Variants in ZNF385D observed in about 807,000 individuals in gnomAD.
The protein encoded by ZNF385D is zinc finger protein 385D, also known as zinc finger protein 659.
ZNF385D carries 15 observed loss-of-function variants against 35.8 expected under a neutral mutation model. That is an observed-to-expected ratio of 0.42 (90% CI 0.28 to 0.64). The LOEUF (loss-of-function observed/expected upper bound fraction) is 0.64. Ranked by LOEUF, ZNF385D falls within the 30% of genes least tolerant of loss-of-function variation. The pLI is 0.23. For missense variants in ZNF385D, 474 were observed against 494.6 expected (o/e 0.96, Z 0.39); for synonymous variants, 212 against 186.8 (o/e 1.13, Z -1.10).
At chr3:22,050,195 GT>G in intron 3 of ZNF385D, among the ~76,000 whole-genome samples, 1 of 150,188 alleles carries the variant, frequency 6.7e-6, no homozygotes, top group Non-Finnish European at 1.5e-5. Flanking sequence ...GGAAGATTGG[GT>G]TTAAAAAAAA....
intron 2 of ZNF385D, among the ~76,000 whole-genome samples, chr3:22,245,121 C>T (rs1699704410): frequency 6.6e-6 from 1 of 152,222 alleles, no homozygotes; most frequent in South Asian, 2.1e-4. Flanking sequence ...TTCAAGGAAA[C>T]TGAGGTTCCA....
chr3:21,606,244 T>C (rs550169976), intron 2 of ZNF385D, among the ~76,000 whole-genome samples: 1 of 152,260 alleles, frequency 6.6e-6, no homozygotes, highest in East Asian at 1.9e-4. Context: ...CAACAGTACC[T>C]CTCACCCTTC....
At position 22,284,097 on chromosome 3, in the gene ZNF385D, T is replaced by G. The variant is rs551937193; in HGVS notation, c.106+88353A>C. Reference sequence around the variant, plus strand: ...CATTTTATACTTACTTGAGGCAAGATAGTACAACTGCCATTCTATATCCAC... The same window carrying G: ...CATTTTATACTTACTTGAGGCAAGAGAGTACAACTGCCATTCTATATCCAC... On this transcript the variant is annotated intron_variant, in intron 2 of 5. Coordinates refer to the ZNF385D transcript ENST00000494108. 2.2e-3 allele frequency among the ~76,000 whole-genome samples: 340 copies of G among 152,234 alleles called. 3 individuals carry two copies. The highest frequency in any genetic ancestry group is 7.9e-3 in the African/African-American group (328 of 41,554).
In ZNF385D at chr3:22,030,267, A is replaced by G. The variant is rs1358332140; in HGVS notation, c.325+138550T>C. Among the ~76,000 whole-genome samples the G allele has an allele frequency of 3.4e-5, 3 of 87,690 alleles. No individual in the cohort carries two copies. In the South Asian group the frequency reaches 1.2e-3, roughly 35 times the overall value. 57.5% of individuals were successfully genotyped at this position (87,690 alleles called of 152,430 possible). On this transcript the variant is annotated intron_variant, in intron 3 of 5. Coordinates refer to the ZNF385D transcript ENST00000494108. ...TTAATAAACTCATTCATATATATAT[A>G]TATATATATATATATATATATATAT... is the stretch of plus-strand genomic sequence containing the variant.
At chr3:22,271,672 T>TA (rs966688276) in intron 2 of ZNF385D, among the ~76,000 whole-genome samples, 1 of 151,860 alleles carries the variant, frequency 6.6e-6, no homozygotes, top group Non-Finnish European at 1.5e-5. Flanking sequence ...TCTTTAAGCT[T>TA]AAAAAACTCC....
chr3:21,723,729 G>C (rs1227037651), intron 1 of ZNF385D, among the ~76,000 whole-genome samples: 2 of 152,174 alleles, frequency 1.3e-5, no homozygotes, highest in Non-Finnish European at 2.9e-5. Context: ...ACACTCTTCA[G>C]GATATTATCC....
intron 5 of ZNF385D, among the ~76,000 whole-genome samples, chr3:21,433,230 T>C (rs1255624120): frequency 6.6e-6 from 1 of 152,176 alleles, no homozygotes. Flanking sequence ...TTGGCTGTGG[T>C]CATTTGTTTA....
At chr3:22,050,464 C>G (rs1159992801) in intron 3 of ZNF385D, among the ~76,000 whole-genome samples, 2 of 152,182 alleles carry the variant, frequency 1.3e-5, no homozygotes, top group Admixed American at 1.3e-4. Context: ...GTAAAATCAT[C>G]AGATCCTGGG....
At chr3:21,583,832 GGTTCCCTTCATTTGAATCAGGATCTCAA>G (rs1559431307) in intron 2 of ZNF385D, among the ~76,000 whole-genome samples, 1 of 150,028 alleles carries the variant, frequency 6.7e-6, no homozygotes, top group Non-Finnish European at 1.5e-5. Context: ...TTTTATGTTT[GGTTCCCTTCATTTGAATCAGGATCTCAA>G]ATTCCCTGAA....
At chr3:21,563,892 A>G (rs2063046933) in intron 3 of ZNF385D, among the ~76,000 whole-genome samples, 1 of 152,122 alleles carries the variant, frequency 6.6e-6, no homozygotes, top group Non-Finnish European at 1.5e-5. Context: ...GATCAAAATT[A>G]ATATCACTGT....
chr3:21,961,167 T>A (rs1441179976), intron 3 of ZNF385D, among the ~76,000 whole-genome samples: 4 of 152,076 alleles, frequency 2.6e-5, no homozygotes, highest in African/African-American at 9.7e-5. Flanking sequence ...AAAATATCAC[T>A]CTGTATGCCG....
intron 2 of ZNF385D, among the ~76,000 whole-genome samples, chr3:22,222,882 G>A (rs992055875): frequency 2.0e-5 from 3 of 151,970 alleles, no homozygotes; most frequent in Admixed American, 6.6e-5. Context: ...CTTGAAACTC[G>A]AAAGGCCTTT....
At chr3:22,324,158 A>G (rs1008794988) in intron 2 of ZNF385D, among the ~76,000 whole-genome samples, 2 of 152,200 alleles carry the variant, frequency 1.3e-5, no homozygotes, top group Non-Finnish European at 1.5e-5. Flanking sequence ...TTCTAGAGAA[A>G]TTCAAGAATT....
chr3:21,747,096 T>C lies in ZNF385D; in HGVS notation c.22+3799A>G, dbSNP rs186074341. Among the ~76,000 whole-genome samples, 158 of 152,128 alleles carry C rather than the reference T, an allele frequency of 1.0e-3. 1 individual carries two copies. Among genetic ancestry groups the C allele is most frequent in the Non-Finnish European group, 3.8e-4 (26 of 68,002 alleles). The stretch of plus-strand genomic sequence containing the variant: ...AGCTTCCTCAGTGAGGTTTTTGTTT[T>C]GTTTTGTTTTTATTATAGGCATGCC... On this transcript the variant is annotated intron_variant, in intron 1 of 7. Coordinates refer to ENST00000281523, the MANE Select transcript of ZNF385D (RefSeq NM_024697.3).
At chr3:21,975,130 G>A (rs930194442) in intron 3 of ZNF385D, among the ~76,000 whole-genome samples, 2 of 152,148 alleles carry the variant, frequency 1.3e-5, no homozygotes, top group Non-Finnish European at 2.9e-5. Flanking sequence ...ACAGTTTGTG[G>A]CAGCACTGCT....
intron 3 of ZNF385D, among the ~76,000 whole-genome samples, chr3:21,966,948 T>C (rs1702948674): frequency 6.6e-6 from 1 of 152,170 alleles, no homozygotes; most frequent in South Asian, 2.1e-4. Context: ...TGCATGCACA[T>C]GCACGTGGAT....
At chr3:22,019,520 T>C (rs959024639) in intron 3 of ZNF385D, among the ~76,000 whole-genome samples, 4 of 151,990 alleles carry the variant, frequency 2.6e-5, no homozygotes, top group Non-Finnish European at 5.9e-5. Context: ...AACCTCTATA[T>C]GCATGAAAAA....
chr3:21,455,974 C>T (rs1157897220), intron 4 of ZNF385D, among the ~76,000 whole-genome samples: 1 of 152,098 alleles, frequency 6.6e-6, no homozygotes, highest in East Asian at 1.9e-4. Context: ...AGCCAAAAGA[C>T]ACATGAAAAA....
chr3:22,299,027 G>C (rs895603488), intron 2 of ZNF385D, among the ~76,000 whole-genome samples: 1 of 151,936 alleles, frequency 6.6e-6, no homozygotes, highest in Non-Finnish European at 1.5e-5. Flanking sequence ...ATATCACAGA[G>C]TAGTTTTTAA....
Sources: allele counts gnomAD v4.1 joint callset (sites outside exome capture counted in the v4.1 genomes callset), GRCh38; gene constraint gnomAD v4.1.1; transcripts MANE v1.5; gene names NCBI Gene and HGNC (gene_info 2026-07-23, HGNC 2026-07-21).